FASTKD5: variants seen among roughly 807,000 people sequenced by gnomAD.
FASTKD5 encodes the protein non-canonical pre-mRNAs endonuclease FASTKD5, mitochondrial.
A neutral mutation model predicts 44.0 loss-of-function variants in FASTKD5; 30 were observed. That is an observed-to-expected ratio of 0.68 (90% CI 0.51 to 0.93). The LOEUF (loss-of-function observed/expected upper bound fraction) is 0.93. Ranked by LOEUF, FASTKD5 falls within the 40% of genes least tolerant of loss-of-function variation. FASTKD5 has a pLI of 0.00. For synonymous variants in FASTKD5, 335 were observed against 342.2 expected, an observed-to-expected ratio of 0.98 and a Z score of 0.23; for missense variants, 868 against 908.2, an observed-to-expected ratio of 0.96 and a Z score of 0.57.
In FASTKD5 at chr20:3,148,597, G is replaced by A. The variant is rs768935935; in HGVS notation, c.474C>T (p.Leu158=). 6.5e-5 allele frequency: 105 copies of A among 1,614,024 alleles called. 1 individual carries two copies. In the South Asian group the frequency reaches 1.1e-3, roughly 17 times the overall value. The part of the protein sequence containing the change: ...LHKVRVNQNN[L]QAQVIVDYLC... ...AATAATCAACAATGACTTGAGCCTG[G>A]AGATTATTTTGATTAACTCTGACTT... The change falls in exon 2 of 2, where the codon CTC becomes CTT. Residue 158 remains leucine (L), a synonymous_variant. Transcript: ENST00000380266.
Position 3,147,618 on chromosome 20 carries a change from A to G in FASTKD5, c.1453T>C (p.Phe485Leu). The G allele has an allele frequency of 1.9e-6, 3 of 1,614,216 alleles. No homozygotes were observed. Among genetic ancestry groups the G allele is most frequent in the South Asian group, 2.2e-5 (2 of 91,080 alleles). ...CLLGLAFLEY[F>L]PVELIDFALS... is the part of the protein sequence containing the mutation. ...GCGAAATCAATTAACTCTACTGGAA[A>G]GTACTCCAAAAATGCCAGGCCCAGC... Residue 485 changes from phenylalanine to leucine, a missense_variant, in exon 2 of 2, where the codon TTT becomes CTT. Coordinates refer to ENST00000380266, the MANE Select transcript of FASTKD5 (RefSeq NM_021826.5).
At position 3,149,509 on chromosome 20, in the gene FASTKD5, T is replaced by G. The variant is rs11904886; in HGVS notation, c.-190-249A>C. ...CTGCTGCTCACCAGACTTCCTTCACTGTACAAGGCAAGCAGTGACGGCTAA... is the reference window on the plus strand; with the variant it reads ...CTGCTGCTCACCAGACTTCCTTCACGGTACAAGGCAAGCAGTGACGGCTAA... On this transcript the variant is annotated intron_variant, in intron 1 of 1. Transcript: ENST00000380266. This position sits in a 1 kb window ranked among gnomAD's most constrained non-coding sequence, Gnocchi z 4.1. Among the ~76,000 whole-genome samples the G allele has an allele frequency of 6.6e-6, 1 of 152,154 alleles. No homozygotes were observed.
At position 3,147,244 on chromosome 20, in the gene FASTKD5, C is replaced by T. The variant is rs564564621; in HGVS notation, c.1827G>A (p.Pro609=). 36 of 1,614,168 alleles carry T rather than the reference C, an allele frequency of 2.2e-5. No homozygotes were observed. The Admixed American group carries it at 3.5e-4, about 16-fold the overall frequency. Reference sequence around the variant, plus strand: ...GCCTTAATTTGGCTACATTTTCAGCCGGCGTGGCTTCTCTATTAAATGGTA... The same window carrying T: ...GCCTTAATTTGGCTACATTTTCAGCTGGCGTGGCTTCTCTATTAAATGGTA... ...KPLPFNREAT[P]AENVAKLRLE... Residue 609 remains proline (P), a synonymous_variant, in exon 2 of 2, where the codon CCG becomes CCA. Coordinates refer to ENST00000380266, the MANE Select transcript of FASTKD5 (RefSeq NM_021826.5).
intron 1 of FASTKD5, among the ~76,000 whole-genome samples, chr20:3,157,803 T>C (rs1274649777): frequency 6.6e-6 from 1 of 152,212 alleles, no homozygotes; most frequent in Non-Finnish European, 1.5e-5. Context: ...GTTAGCTCAA[T>C]AAACACTTGG....
chr20:3,148,346 T>C lies in FASTKD5; in HGVS notation c.725A>G (p.Asp242Gly). ...CCHQVWEMNM[D>G]QLLLVADLWR... Reference sequence around the variant, plus strand: ...GAGATCAGCCACCAAAAGGAGCTGATCCATATTCATCTCCCATACCTGATG... The same window carrying C: ...GAGATCAGCCACCAAAAGGAGCTGACCCATATTCATCTCCCATACCTGATG... The change falls in exon 2 of 2, where the codon GAT (aspartate) becomes GGT (glycine). Residue 242 changes from aspartate to glycine, a missense_variant. By Grantham distance (94) the Asp-to-Gly change is moderately conservative. Coordinates refer to ENST00000380266, the MANE Select transcript of FASTKD5 (RefSeq NM_021826.5). 6.2e-7 allele frequency: 1 copy of C among 1,614,126 alleles called. No individual in the cohort carries two copies. Among genetic ancestry groups the C allele is most frequent in the Non-Finnish European group, 8.5e-7 (1 of 1,180,040 alleles).
rs775746281 is a variant in FASTKD5 at position 3,148,435 on chromosome 20, A to G, written c.636T>C (p.Ala212=). The G allele has an allele frequency of 1.2e-6, 2 of 1,614,162 alleles. No homozygotes were observed. Among genetic ancestry groups the G allele is most frequent in the South Asian group, 2.2e-5 (2 of 91,084 alleles). Residue 212 remains alanine, a synonymous_variant, in exon 2 of 2, where the codon GCT becomes GCC. Transcript: ENST00000380266. ...DTQDLINVLK[A]FVILGIPHSH... ...AGTGAGGGATTCCTAAAATGACAAAAGCTTTCAAAACATTGATCAGATCTT... is the reference window on the plus strand; with the variant it reads ...AGTGAGGGATTCCTAAAATGACAAAGGCTTTCAAAACATTGATCAGATCTT...
chr20:3,158,284 A>G (rs8114684), intron 1 of FASTKD5, among the ~76,000 whole-genome samples: 9,521 of 151,936 alleles, frequency 0.063, 964 homozygotes, highest in African/African-American at 0.21. Context: ...GAATTATTTT[A>G]TATCAAAGTT....
intron 1 of FASTKD5, among the ~76,000 whole-genome samples, chr20:3,150,140 T>A (rs956693135): frequency 6.6e-6 from 1 of 152,210 alleles, no homozygotes; most frequent in Non-Finnish European, 1.5e-5. Context: ...TTTTAGAAGA[T>A]GCCTACTCTC....
At chr20:3,158,525 G>C (rs1191531245) in intron 1 of FASTKD5, among the ~76,000 whole-genome samples, 1 of 151,988 alleles carries the variant, frequency 6.6e-6, no homozygotes. Flanking sequence ...CCAGGCTGGA[G>C]TGCAGTGGCG....
intron 1 of FASTKD5, among the ~76,000 whole-genome samples, chr20:3,152,607 A>T (rs576577107): frequency 6.6e-6 from 1 of 152,224 alleles, no homozygotes; most frequent in East Asian, 1.9e-4. Context: ...TCTTCATCTC[A>T]TTTGAGGAAG....
At chr20:3,150,356 A>C (rs2148622861) in intron 1 of FASTKD5, among the ~76,000 whole-genome samples, 1 of 152,290 alleles carries the variant, frequency 6.6e-6, no homozygotes, top group Middle Eastern at 3.4e-3. Flanking sequence ...CAATTGACGC[A>C]ACTGCCCCGC....
chr20:3,149,581 G>A lies in FASTKD5; in HGVS notation c.-190-321C>T, dbSNP rs2066604012. On this transcript the variant is annotated intron_variant, in intron 1 of 1. Transcript: ENST00000380266. This position sits in a 1 kb window ranked among gnomAD's most constrained non-coding sequence, Gnocchi z 4.1. ...ACATTTGATAGGAAGAAGGAAGGCA[G>A]ATTTCTAGAAAGAAGGCTGGGAACA... is the stretch of plus-strand genomic sequence containing the variant. 1.3e-5 allele frequency among the ~76,000 whole-genome samples: 2 copies of A among 152,196 alleles called. No individual in the cohort carries two copies. The highest frequency in any genetic ancestry group is 4.1e-4 in the South Asian group (2 of 4,830).
Position 3,147,238 on chromosome 20 carries a change from T to G in FASTKD5, c.1833A>C (p.Glu611Asp), listed in dbSNP as rs1387646818. The part of the protein sequence containing the change: ...LPFNREATPA[E>D]NVAKLRLEHV... ...GCTCAAGCCTTAATTTGGCTACATT[T>G]TCAGCCGGCGTGGCTTCTCTATTAA... The change falls in exon 2 of 2, where the codon GAA becomes GAC. Residue 611 changes from glutamate to aspartate, a missense_variant. Transcript: ENST00000380266. The G allele has an allele frequency of 6.2e-7, 1 of 1,614,226 alleles. No individual in the cohort carries two copies. Among genetic ancestry groups the G allele is most frequent in the Non-Finnish European group, 8.5e-7 (1 of 1,180,042 alleles).
Position 3,148,174 on chromosome 20 carries a change from C to T in FASTKD5, c.897G>A (p.Met299Ile), listed in dbSNP as rs769364933. 3 of 1,613,830 alleles carry T rather than the reference C, an allele frequency of 1.9e-6. No individual in the cohort carries two copies. Among genetic ancestry groups the T allele is most frequent in the South Asian group, 1.1e-5 (1 of 91,018 alleles). ...GENRQVSQDL[M>I]QKLESLILKY... is the part of the protein sequence containing the mutation. ...TAAGGATCAATGATTCCAATTTTTG[C>T]ATTAGGTCCTGGGATACCTGACGAT... The change falls in exon 2 of 2, where the codon ATG becomes ATA. Residue 299 changes from methionine (M) to isoleucine (I), a missense_variant. Coordinates refer to ENST00000380266, the MANE Select transcript of FASTKD5 (RefSeq NM_021826.5).
rs372734582 is a variant in FASTKD5 at position 3,153,224 on chromosome 20, A to T, written c.-190-3964T>A. Among the ~76,000 whole-genome samples the T allele has an allele frequency of 2.0e-5, 3 of 152,358 alleles. No homozygotes were observed. In the East Asian group the frequency reaches 5.8e-4, roughly 29 times the overall value. ...CTATACGTGGTCTGGAAATAAAAGA[A>T]CCATCTCCTAGAACATCAATGTTTG... On this transcript the variant is annotated intron_variant, in intron 1 of 1. Coordinates refer to ENST00000380266, the MANE Select transcript of FASTKD5 (RefSeq NM_021826.5).
Position 3,150,056 on chromosome 20 carries a change from G to A in FASTKD5, c.-190-796C>T, listed in dbSNP as rs563782727. 1.1e-3 allele frequency among the ~76,000 whole-genome samples: 165 copies of A among 151,470 alleles called. 1 individual carries two copies. The highest frequency in any genetic ancestry group is 1.9e-3 in the Non-Finnish European group (126 of 67,864). Reference sequence around the variant, plus strand: ...AAAAGATTTAATTAGTTATACCTACGATAACCCTCCCTGTTCTTATAGCGC... The same window carrying A: ...AAAAGATTTAATTAGTTATACCTACAATAACCCTCCCTGTTCTTATAGCGC... On this transcript the variant is annotated intron_variant, in intron 1 of 1. Coordinates refer to ENST00000380266, the MANE Select transcript of FASTKD5 (RefSeq NM_021826.5).
At chr20:3,158,771 GC>G (rs750036939) in intron 1 of FASTKD5, among the ~76,000 whole-genome samples, 13 of 152,222 alleles carry the variant, frequency 8.5e-5, no homozygotes, top group Non-Finnish European at 1.9e-4. Context: ...ACTGTGTCCG[GC>G]CCAGATTTTA....
At position 3,149,091 on chromosome 20, in the gene FASTKD5, C is replaced by T. The variant is rs765099523; in HGVS notation, c.-21G>A. ...GCCATTCTGGTGTCAGTATTGATCTCTTTGGCAGTCAGAATACAGTCCTCA... is the reference window on the plus strand; with the variant it reads ...GCCATTCTGGTGTCAGTATTGATCTTTTTGGCAGTCAGAATACAGTCCTCA... On this transcript the variant is annotated 5_prime_UTR_variant, in exon 2 of 2. Coordinates refer to ENST00000380266, the MANE Select transcript of FASTKD5 (RefSeq NM_021826.5). This position sits in a 1 kb window ranked among gnomAD's most constrained non-coding sequence, Gnocchi z 4.1. The T allele has an allele frequency of 6.3e-7, 1 of 1,588,038 alleles. No homozygotes were observed. Among genetic ancestry groups the T allele is most frequent in the Non-Finnish European group, 8.6e-7 (1 of 1,167,140 alleles).
chr20:3,147,791 C>CT lies in FASTKD5; in HGVS notation c.1279dup (p.Ser427LysfsTer2), dbSNP rs1231832128. On this transcript the variant is annotated frameshift_variant, in exon 2 of 2. Transcript: ENST00000380266. LOFTEE classifies it high-confidence loss of function. ...CCACAGAATCTTGGCAACATCTTTA[C>CT]TTCGACAGTGTGCCACTCTAGGAGG... is the stretch of plus-strand genomic sequence containing the variant. 1.9e-6 allele frequency: 3 copies of CT among 1,614,202 alleles called. No individual in the cohort carries two copies. The highest frequency in any genetic ancestry group is 1.6e-4 in the Middle Eastern group (1 of 6,062).
Sources: gnomAD v4.1 joint callset for allele counts (sites outside exome capture counted in the v4.1 genomes callset) on GRCh38, gnomAD v4.1.1 for gene constraint, Gnocchi (gnomAD v3.1) non-coding constraint, MANE v1.5 for transcripts, NCBI Gene and HGNC (gene_info 2026-07-23, HGNC 2026-07-21) for gene names.